The following DNAH12 variants were observed in gnomAD, a reference collection of about 807,000 sequenced individuals.
DNAH12 encodes dynein axonemal heavy chain 12, also known as axonemal beta dynein heavy chain 12.
Under a neutral mutation model 371.5 loss-of-function variants are expected in DNAH12, and 285 were observed. That is an observed-to-expected ratio of 0.77 (90% CI 0.70 to 0.85). DNAH12 has a LOEUF of 0.85. Among genes scored for constraint, DNAH12 ranks in the 40% least tolerant of loss-of-function variants. The probability of loss-of-function intolerance (pLI) is 0.00; values close to 1 mark genes in which losing one functional copy is unlikely to be tolerated. For missense variants in DNAH12, 3,611 were observed against 3,689.4 expected, an observed-to-expected ratio of 0.98 and a Z score of 0.55; for synonymous variants, 1,200 against 1,213.0, an observed-to-expected ratio of 0.99 and a Z score of 0.22.
At chr3:57,449,822 T>G (rs2065693524) in intron 25 of DNAH12, among the ~76,000 whole-genome samples, 2 of 152,176 alleles carry the variant, frequency 1.3e-5, no homozygotes, top group African/African-American at 4.8e-5. Context: ...GAAGGGCTCC[T>G]CAAGTGCCGC....
chr3:57,372,250 T>C (rs982098387), intron 55 of DNAH12, among the ~76,000 whole-genome samples: 97 of 152,248 alleles, frequency 6.4e-4, no homozygotes, highest in African/African-American at 2.2e-3. Flanking sequence ...CCTTGAAATA[T>C]GTACAACTAT....
intron 13 of DNAH12, among the ~76,000 whole-genome samples, chr3:57,478,448 T>A (rs1305893621): frequency 1.3e-5 from 2 of 152,140 alleles, no homozygotes; most frequent in African/African-American, 4.8e-5. Flanking sequence ...CTACGTCTGA[T>A]TGGTGTACCT....
At chr3:57,548,534 C>G (rs550089176), upstream of DNAH12, among the ~76,000 whole-genome samples, 1 of 152,208 alleles carries the variant, frequency 6.6e-6, no homozygotes, top group Admixed American at 6.5e-5. Flanking sequence ...CATCAGGGGA[C>G]TCTGTCTCTA....
intron 25 of DNAH12, among the ~76,000 whole-genome samples, chr3:57,452,580 C>T (rs776920756): frequency 3.5e-4 from 53 of 152,328 alleles, no homozygotes; most frequent in Non-Finnish European, 7.2e-4. Context: ...CCAGTTTTCT[C>T]ATTATATTGT....
intron 38 of DNAH12, among the ~76,000 whole-genome samples, 199 bp from the exon 39 acceptor site, chr3:57,414,111 A>G (rs782604463): frequency 2.6e-5 from 4 of 152,000 alleles, no homozygotes; most frequent in African/African-American, 4.8e-5. Context: ...CAGAAAAAAA[A>G]AGTTTAAGTT....
At chr3:57,391,619 T>G (rs1575536532) in intron 45 of DNAH12, among the ~76,000 whole-genome samples, 1 of 152,198 alleles carries the variant, frequency 6.6e-6, no homozygotes, top group Admixed American at 6.5e-5. Context: ...ATATACCCTT[T>G]GCACATCAAC....
At chr3:57,302,414 C>G (rs1455133020) in intron 69 of DNAH12, among the ~76,000 whole-genome samples, 2 of 150,326 alleles carry the variant, frequency 1.3e-5, no homozygotes, top group Non-Finnish European at 3.0e-5. Context: ...CATAAATATA[C>G]TTGTAGTGAG....
intron 19 of DNAH12, among the ~76,000 whole-genome samples, chr3:57,460,866 T>A (rs893391427): frequency 1.3e-5 from 2 of 152,168 alleles, no homozygotes; most frequent in Non-Finnish European, 2.9e-5. Flanking sequence ...AGTGCCTACT[T>A]TGAAGGTCTG....
At chr3:57,552,598 G>A in the DNAH12 span, among the ~76,000 whole-genome samples, 1 of 151,978 alleles carries the variant, frequency 6.6e-6, no homozygotes, top group Non-Finnish European at 1.5e-5. Context: ...ATTCTAGAAA[G>A]TTATTTATTT....
chr3:57,508,207 A>C (rs1179603264), intron 7 of DNAH12, among the ~76,000 whole-genome samples, 175 bp downstream of exon 7: 18 of 151,866 alleles, frequency 1.2e-4, no homozygotes, highest in African/African-American at 3.9e-4. Flanking sequence ...AAACAAAAAA[A>C]AAAAAAACCA....
At chr3:57,438,172 G>A (rs367816663) in intron 29 of DNAH12, among the ~76,000 whole-genome samples, 24 of 152,126 alleles carry the variant, frequency 1.6e-4, no homozygotes, top group Admixed American at 3.3e-4. Context: ...TCAGCCAGGC[G>A]TGGTGGCGGG....
At chr3:57,462,552 G>T (rs933127502) in intron 18 of DNAH12, 138 bp downstream of exon 18, 1 of 996,228 alleles carries the variant, frequency 1.0e-6, no homozygotes, top group Non-Finnish European at 1.4e-6. Flanking sequence ...GCACCCAGCC[G>T]GAGAGTGGTC....
intron 8 of DNAH12, 24 bp from the exon 9 acceptor site, chr3:57,504,228 C>A (rs778074753): frequency 9.5e-6 from 15 of 1,581,872 alleles, no homozygotes; most frequent in Non-Finnish European, 1.2e-5. Context: ...ATCACTGTTA[C>A]TTTAGAGAGT....
intron 65 of DNAH12, 95 bp downstream of exon 65, chr3:57,322,234 TAAAAACATTAAATA>T: frequency 8.1e-7 from 1 of 1,233,962 alleles, no homozygotes; most frequent in South Asian, 2.0e-5. Context: ...CGTAAAGTTT[TAAAAACATTAAATA>T]AAAATGTTAC....
intron 59 of DNAH12, among the ~76,000 whole-genome samples, chr3:57,353,324 ACCCTGTCACCCAGGCTGGAGTG>A (rs2062725880): frequency 6.6e-6 from 1 of 151,410 alleles, no homozygotes; most frequent in African/African-American, 2.4e-5. Flanking sequence ...ACAGGGTCTC[ACCCTGTCACCCAGGCTGGAGTG>A]CAGTGGCATG....
intron 60 of DNAH12, among the ~76,000 whole-genome samples, chr3:57,336,307 T>C (rs2062220332): frequency 6.6e-6 from 1 of 152,196 alleles, no homozygotes; most frequent in South Asian, 2.1e-4. Context: ...TAGATGTAGA[T>C]GTGAAAGAGA....
chr3:57,510,308 A>C (rs1339659496), intron 5 of DNAH12, among the ~76,000 whole-genome samples: 1 of 152,174 alleles, frequency 6.6e-6, no homozygotes, highest in Non-Finnish European at 1.5e-5. Flanking sequence ...GTATAGACTC[A>C]AAATAAAAAC....
chr3:57,554,573 T>C, the DNAH12 span, among the ~76,000 whole-genome samples: 1 of 152,170 alleles, frequency 6.6e-6, no homozygotes, highest in Non-Finnish European at 1.5e-5. Flanking sequence ...ACTGGACCTC[T>C]TTCTGGTCTA....
intron 60 of DNAH12, among the ~76,000 whole-genome samples, chr3:57,344,557 A>G (rs553145953): frequency 5.3e-5 from 8 of 152,194 alleles, no homozygotes; most frequent in African/African-American, 1.4e-4. Flanking sequence ...TCAACAACAG[A>G]TGAAGGGATA....
Sources: allele counts gnomAD v4.1 joint callset (sites outside exome capture counted in the v4.1 genomes callset), GRCh38; gene constraint gnomAD v4.1.1; transcripts MANE v1.5; gene names NCBI Gene and HGNC (gene_info 2026-07-23, HGNC 2026-07-21).